Variants in KCNC1 observed in about 807,000 individuals in gnomAD.
KCNC1 encodes potassium voltage-gated channel subfamily C member 1.
In KCNC1, 8 loss-of-function variants were observed where a neutral mutation model predicts 43.4. That is an observed-to-expected ratio of 0.18 (90% CI 0.11 to 0.33). KCNC1 has a LOEUF of 0.33. Among genes scored for constraint, KCNC1 ranks in the 10% least tolerant of loss-of-function variants. The pLI is 1.00. For synonymous variants in KCNC1, 361 were observed against 360.5 expected, an observed-to-expected ratio of 1.00 and a Z score of -0.01; for missense variants, 420 against 836.0, an observed-to-expected ratio of 0.50 and a Z score of 6.14.
chr11:17,738,581 A>C (rs1179118058), intron 1 of KCNC1, among the ~76,000 whole-genome samples: 3 of 152,000 alleles, frequency 2.0e-5, no homozygotes, highest in Non-Finnish European at 2.9e-5. Flanking sequence ...CAGGGCAGGC[A>C]GGGGGCAGTG....
At chr11:17,743,396 T>C (rs1165814735) in intron 1 of KCNC1, among the ~76,000 whole-genome samples, 2 of 152,172 alleles carry the variant, frequency 1.3e-5, no homozygotes, top group Non-Finnish European at 2.9e-5. Flanking sequence ...CACCATCCAC[T>C]CTTTCCCAAC....
chr11:17,756,053 G>A (rs1849018764), intron 1 of KCNC1, among the ~76,000 whole-genome samples: 1 of 152,074 alleles, frequency 6.6e-6, no homozygotes. Context: ...AGGAGGGAGG[G>A]ATCAGTGGCA....
chr11:17,771,249 G>GGT lies in KCNC1; in HGVS notation c.571-416_571-415insGT, dbSNP rs141005728. Among the ~76,000 whole-genome samples, 105,757 of 152,024 alleles carry GGT rather than the reference G, an allele frequency of 0.7. 37,945 individuals carry two copies. Among genetic ancestry groups the GGT allele is most frequent in the East Asian group, 0.98 (5,055 of 5,162 alleles). On this transcript the variant is annotated intron_variant, in intron 1 of 3. Coordinates refer to ENST00000265969, the MANE Select transcript of KCNC1 (RefSeq NM_001112741.2). The surrounding 1 kb of genome is among the most constrained non-coding windows in gnomAD (Gnocchi z 4.7). ...TGCAAACTTCAGCCCCAGCAGGCTA[G>GGT]CTAAATGGGCAGGGTAGCTAAATGC...
chr11:17,749,874 A>G (rs1466242235), intron 1 of KCNC1, among the ~76,000 whole-genome samples: 1 of 152,256 alleles, frequency 6.6e-6, no homozygotes, highest in East Asian at 1.9e-4. Flanking sequence ...TAATGGCATC[A>G]CCAGCTTCTC....
intron 1 of KCNC1, among the ~76,000 whole-genome samples, chr11:17,738,069 G>C (rs1460285086): frequency 6.6e-6 from 1 of 152,046 alleles, no homozygotes; most frequent in Admixed American, 6.5e-5. Context: ...TGTGTTTATG[G>C]GGGGAGGCAA....
At position 17,776,803 on chromosome 11, in the gene KCNC1, C is replaced by T. The variant is rs1849293532; in HGVS notation, c.1505-2653C>T. On this transcript the variant is annotated intron_variant, in intron 2 of 3. Coordinates refer to ENST00000265969, the MANE Select transcript of KCNC1 (RefSeq NM_001112741.2). The surrounding 1 kb of genome is among the most constrained non-coding windows in gnomAD (Gnocchi z 4.4). Reference sequence around the variant, plus strand: ...GTTCCCCAGATTTATACAGTTGGCCCCTCGTTGGTTTCTCTTTCTTCAAGC... The same window carrying T: ...GTTCCCCAGATTTATACAGTTGGCCTCTCGTTGGTTTCTCTTTCTTCAAGC... 1 of 985,358 alleles carries T rather than the reference C, an allele frequency of 1.0e-6. No individual in the cohort carries two copies. Among genetic ancestry groups the T allele is most frequent in the African/African-American group, 1.7e-5 (1 of 57,300 alleles). The allele number at this position is 985,358 out of a possible 1,614,324, so 61.0% of individuals were successfully genotyped here.
chr11:17,748,244 G>A (rs1185581258), intron 1 of KCNC1, among the ~76,000 whole-genome samples: 1 of 152,156 alleles, frequency 6.6e-6, no homozygotes, highest in Non-Finnish European at 1.5e-5. Context: ...AGGAGGTGAG[G>A]AAGGAGGCCA....
At chr11:17,774,503 C>G in intron 2 of KCNC1, 1 of 985,602 alleles carries the variant, frequency 1.0e-6, no homozygotes, top group Non-Finnish European at 1.2e-6. Context: ...ACAGTATTAT[C>G]CTGTGCGGAG....
At position 17,779,270 on chromosome 11, in the gene KCNC1, T is replaced by G; in HGVS notation, c.1505-186T>G. 1.8e-6 allele frequency: 1 copy of G among 550,086 alleles called. No individual in the cohort carries two copies. The highest frequency in any genetic ancestry group is 3.2e-6 in the Non-Finnish European group (1 of 315,652). The allele number at this position is 550,086 out of a possible 1,614,324, so 34.1% of individuals were successfully genotyped here. On this transcript the variant is annotated intron_variant, in intron 2 of 3. Coordinates refer to ENST00000265969, the MANE Select transcript of KCNC1 (RefSeq NM_001112741.2). This position sits in a 1 kb window ranked among gnomAD's most constrained non-coding sequence, Gnocchi z 7.2. The stretch of plus-strand genomic sequence containing the variant: ...CACTGTGGGCAGCCCGAAGGCTGCC[T>G]GAATGAGCTGAACCCCCCACCAAGC...
rs1849129551 is a variant in KCNC1, at chr11:17,764,796, C to T, written c.571-6869C>T. 2.0e-5 allele frequency among the ~76,000 whole-genome samples: 3 copies of T among 152,198 alleles called. No homozygotes were observed. In the South Asian group the frequency reaches 6.2e-4, roughly 32 times the overall value. ...TTTCCTCCCTGCCCTCCCTCCCATC[C>T]CCCAGCCGGCCCAGCACACTGTGAG... On this transcript the variant is annotated intron_variant, in intron 1 of 3. Transcript: ENST00000265969.
chr11:17,755,218 T>A (rs530368259), intron 1 of KCNC1, among the ~76,000 whole-genome samples: 6 of 152,158 alleles, frequency 3.9e-5, no homozygotes, highest in African/African-American at 1.2e-4. Flanking sequence ...AGGAGGCAGA[T>A]GTGAAGATGA....
intron 1 of KCNC1, among the ~76,000 whole-genome samples, chr11:17,768,705 A>G (rs1849186793): frequency 6.6e-6 from 1 of 151,802 alleles, no homozygotes; most frequent in South Asian, 2.1e-4. Flanking sequence ...TTGAGAGCCA[A>G]GTGTGCAGTG....
chr11:17,741,058 G>C (rs1412360459), intron 1 of KCNC1, among the ~76,000 whole-genome samples: 2 of 151,988 alleles, frequency 1.3e-5, no homozygotes, highest in Non-Finnish European at 2.9e-5. Context: ...GCCCCACTTG[G>C]AGTCATGGTA....
At chr11:17,747,346 A>T (rs1848912282) in intron 1 of KCNC1, among the ~76,000 whole-genome samples, 1 of 152,050 alleles carries the variant, frequency 6.6e-6, no homozygotes, top group African/African-American at 2.4e-5. Flanking sequence ...AAAGGGGAGG[A>T]TGATGGAACG....
chr11:17,736,449 G>A lies in KCNC1; in HGVS notation c.447G>A (p.Leu149=). ...PGDSGDGEDE[L]EMTKRLALSD... ...ACTCGGGCGACGGCGAGGACGAGCT[G>A]GAGATGACCAAGCGCCTGGCGCTCA... The change falls in exon 1 of 4, where the codon CTG becomes CTA. Residue 149 remains leucine (L), a synonymous_variant. Coordinates refer to ENST00000265969, the MANE Select transcript of KCNC1 (RefSeq NM_001112741.2). The surrounding 1 kb of genome is among the most constrained non-coding windows in gnomAD (Gnocchi z 9.3). The A allele has an allele frequency of 1.2e-6, 2 of 1,604,800 alleles. No individual in the cohort carries two copies. The highest frequency in any genetic ancestry group is 1.7e-6 in the Non-Finnish European group (2 of 1,178,198).
chr11:17,779,491 C>G lies in KCNC1; in HGVS notation c.1540C>G (p.Leu514Val). The stretch of plus-strand genomic sequence containing the variant: ...GAATGGGGAGGTGGCGAAGGCCGCG[C>G]TGGCGAACGAAGACTGCCCCCACAT... ...KLNGEVAKAA[L>V]ANEDCPHIDQ... Residue 514 changes from leucine (L) to valine (V), a missense_variant, in exon 3 of 4, where the codon CTG becomes GTG. Physicochemically the swap from Leu to Val is conservative, Grantham distance 32. Transcript: ENST00000265969. The surrounding 1 kb of genome is among the most constrained non-coding windows in gnomAD (Gnocchi z 7.2). 1 of 1,550,276 alleles carries G rather than the reference C, an allele frequency of 6.5e-7. No homozygotes were observed. The highest frequency in any genetic ancestry group is 8.7e-7 in the Non-Finnish European group (1 of 1,146,492).
In KCNC1 at chr11:17,779,287, C is replaced by T. The variant is rs910638896; in HGVS notation, c.1505-169C>T. On this transcript the variant is annotated intron_variant, in intron 2 of 3. Coordinates refer to ENST00000265969, the MANE Select transcript of KCNC1 (RefSeq NM_001112741.2). The surrounding 1 kb of genome is among the most constrained non-coding windows in gnomAD (Gnocchi z 7.2). Reference sequence around the variant, plus strand: ...AGGCTGCCTGAATGAGCTGAACCCCCCACCAAGCCCCCTGCCTTGTGCCCT... The same window carrying T: ...AGGCTGCCTGAATGAGCTGAACCCCTCACCAAGCCCCCTGCCTTGTGCCCT... 2.6e-5 allele frequency: 15 copies of T among 572,870 alleles called. No homozygotes were observed. Among genetic ancestry groups the T allele is most frequent in the Non-Finnish European group, 2.7e-5 (9 of 331,380 alleles). The allele number at this position is 572,870 out of a possible 1,614,324, so 35.5% of individuals were successfully genotyped here. A position where few individuals can be genotyped will look rare whatever the true frequency, so the allele number is the denominator to read the frequency against.
At chr11:17,748,522 C>T (rs186733777) in intron 1 of KCNC1, among the ~76,000 whole-genome samples, 79 of 152,244 alleles carry the variant, frequency 5.2e-4, no homozygotes, top group African/African-American at 1.7e-3. Context: ...GAGATGGGCA[C>T]GCTAGGGGCC....
At chr11:17,745,281 G>A (rs1454024125) in intron 1 of KCNC1, among the ~76,000 whole-genome samples, 1 of 152,158 alleles carries the variant, frequency 6.6e-6, no homozygotes, top group African/African-American at 2.4e-5. Context: ...TGGGCCTGGG[G>A]TGAGGCCCCA....
Sources: allele counts gnomAD v4.1 joint callset (sites outside exome capture counted in the v4.1 genomes callset), GRCh38; gene constraint gnomAD v4.1.1; non-coding constraint Gnocchi (gnomAD v3.1); transcripts MANE v1.5; gene names NCBI Gene and HGNC (gene_info 2026-07-23, HGNC 2026-07-21).